Variants in ABR observed in about 807,000 individuals in gnomAD.
ABR encodes active breakpoint cluster region-related protein.
In ABR, 35 loss-of-function variants were observed where a neutral mutation model predicts 107.2. The observed-to-expected ratio is 0.33, with a 90% CI of 0.25 to 0.43. The LOEUF (loss-of-function observed/expected upper bound fraction) is 0.43, where lower values mean the gene tolerates loss of function less well. Ranked by LOEUF, ABR falls within the 20% of genes least tolerant of loss-of-function variation. The pLI is 1.00. For synonymous variants in ABR, 498 were observed against 462.0 expected, an observed-to-expected ratio of 1.08 and a Z score of -1.00; for missense variants, 815 against 1,115.2, an observed-to-expected ratio of 0.73 and a Z score of 3.83.
chr17:1,013,661 G>A (rs2070858916), intron 16 of ABR, among the ~76,000 whole-genome samples: 2 of 152,228 alleles, frequency 1.3e-5, no homozygotes, highest in African/African-American at 4.8e-5. Context: ...GGCTGCCTGG[G>A]TTTGAATCCT....
chr17:1,140,119 T>C (rs901954110), intron 1 of ABR, among the ~76,000 whole-genome samples: 1 of 152,200 alleles, frequency 6.6e-6, no homozygotes, highest in African/African-American at 2.4e-5. Flanking sequence ...CATGAGATGA[T>C]GTGGAACGGG....
chr17:1,024,048 A>AAAAAAAAC (rs1567596985), intron 16 of ABR, among the ~76,000 whole-genome samples: 1 of 148,496 alleles, frequency 6.7e-6, no homozygotes, highest in African/African-American at 2.5e-5. Context: ...AAAAAAAAAA[A>AAAAAAAAC]AGCAGCATCA....
At chr17:1,095,926 G>A (rs2037391684) in intron 3 of ABR, among the ~76,000 whole-genome samples, 1 of 152,212 alleles carries the variant, frequency 6.6e-6, no homozygotes, top group African/African-American at 2.4e-5. Flanking sequence ...TAGATAAAGA[G>A]CCTGCGATGC....
At chr17:1,099,033 C>G (rs2037689522) in intron 3 of ABR, among the ~76,000 whole-genome samples, 1 of 151,994 alleles carries the variant, frequency 6.6e-6, no homozygotes, top group Non-Finnish European at 1.5e-5. Context: ...GTGATCCACC[C>G]ACCTCGGCCT....
Position 1,032,695 on chromosome 17 carries a change from A to G in ABR, c.1791+17355T>C, listed in dbSNP as rs571345106. The stretch of plus-strand genomic sequence containing the variant: ...AGAGAAGAACTTGTTCTTGACCTTC[A>G]ATTTATTTAGTGAACTTTCTAACCG... On this transcript the variant is annotated intron_variant, in intron 16 of 22. Transcript: ENST00000302538. Among the ~76,000 whole-genome samples the G allele has an allele frequency of 1.3e-3, 170 of 126,076 alleles. 11 individuals are homozygous for G. Among genetic ancestry groups the G allele is most frequent in the Non-Finnish European group, 1.5e-3 (80 of 54,954 alleles). 82.7% of individuals were successfully genotyped at this position (126,076 alleles called of 152,430 possible).
At chr17:1,012,577 G>A (rs1340094626) in intron 18 of ABR, 111 bp downstream of exon 18, 3 of 797,224 alleles carry the variant, frequency 3.8e-6, no homozygotes, top group Non-Finnish European at 6.4e-6. Context: ...CCGAGCGGGG[G>A]GTAACTGATT....
At chr17:1,107,902 C>T (rs1020070953) in intron 2 of ABR, among the ~76,000 whole-genome samples, 1 of 152,258 alleles carries the variant, frequency 6.6e-6, no homozygotes, top group Non-Finnish European at 1.5e-5. Flanking sequence ...ATTTTTACCT[C>T]CATTGGCTCC....
chr17:1,056,299 C>CTA (rs976363464), intron 13 of ABR, among the ~76,000 whole-genome samples, 190 bp from the exon 14 acceptor site: 33 of 152,012 alleles, frequency 2.2e-4, no homozygotes, highest in African/African-American at 7.2e-4. Context: ...CGGGGTAGGG[C>CTA]TAGGGGGTCC....
intron 3 of ABR, among the ~76,000 whole-genome samples, chr17:1,096,868 G>T (rs985466664): frequency 6.9e-6 from 1 of 144,872 alleles, no homozygotes; most frequent in Non-Finnish European, 1.5e-5. Flanking sequence ...GGGAATGGGG[G>T]AACCTGCCCC....
intron 1 of ABR, among the ~76,000 whole-genome samples, chr17:1,196,756 G>A (rs899042276): frequency 1.3e-4 from 19 of 150,400 alleles, no homozygotes; most frequent in Admixed American, 8.0e-4. Context: ...GTGCAGTGGC[G>A]CGATCCTGGC....
At chr17:1,019,748 C>T (rs903101094) in intron 16 of ABR, among the ~76,000 whole-genome samples, 1 of 152,272 alleles carries the variant, frequency 6.6e-6, no homozygotes, top group Non-Finnish European at 1.5e-5. Context: ...ATGAGATTAG[C>T]ACCGGGGTGG....
In ABR at chr17:1,025,107, G is replaced by A. The variant is rs1258128331; in HGVS notation, c.1792-11943C>T. 3.9e-4 allele frequency among the ~76,000 whole-genome samples: 21 copies of A among 54,212 alleles called. No homozygotes were observed. The East Asian group carries it at 7.0e-3, about 18-fold the overall frequency. The allele number at this position is 54,212 out of a possible 152,430, so 35.6% of individuals were successfully genotyped here. A position where few individuals can be genotyped will look rare whatever the true frequency, so the allele number is the denominator to read the frequency against. Reference sequence around the variant, plus strand: ...ACTGCACTCCAGCCTGGGCGACAGCGAGACTCCGTCTCAAAAAAAAAAAAA... The same window carrying A: ...ACTGCACTCCAGCCTGGGCGACAGCAAGACTCCGTCTCAAAAAAAAAAAAA... On this transcript the variant is annotated intron_variant, in intron 16 of 22. Transcript: ENST00000302538.
At chr17:1,225,651 C>T (rs538747290) in intron 1 of ABR, among the ~76,000 whole-genome samples, 3 of 151,716 alleles carry the variant, frequency 2.0e-5, no homozygotes, top group Admixed American at 2.0e-4. Flanking sequence ...GACTCTGTCT[C>T]GACAAAAAAG....
chr17:1,027,241 C>T lies in ABR; in HGVS notation c.1792-14077G>A, dbSNP rs1207500774. Among the ~76,000 whole-genome samples, 4 of 152,176 alleles carry T rather than the reference C, an allele frequency of 2.6e-5. No homozygotes were observed. The highest frequency in any genetic ancestry group is 2.1e-4 in the South Asian group (1 of 4,828). ...AAAGCTGGGGCACCGCGCCCAGCAC[C>T]GCTGGCTGGCCAAGCCGTCTGTGGC... is the stretch of plus-strand genomic sequence containing the variant. On this transcript the variant is annotated intron_variant, in intron 16 of 22. Transcript: ENST00000302538. This position sits in a 1 kb window ranked among gnomAD's most constrained non-coding sequence, Gnocchi z 4.7.
chr17:1,081,970 CA>C (rs1240269663), intron 5 of ABR, among the ~76,000 whole-genome samples: 1 of 152,038 alleles, frequency 6.6e-6, no homozygotes. Flanking sequence ...ATTTTTTTAA[CA>C]GTAATGAAGG....
chr17:1,142,139 C>T (rs1405001783), intron 1 of ABR, among the ~76,000 whole-genome samples: 4 of 152,140 alleles, frequency 2.6e-5, no homozygotes, highest in Admixed American at 6.6e-5. Flanking sequence ...AGCTCTCTGG[C>T]TCCTACCCCA....
rs535825642 is a variant in ABR at position 1,031,283 on chromosome 17, C to T, written c.1792-18119G>A. Among the ~76,000 whole-genome samples the T allele has an allele frequency of 7.9e-5, 12 of 152,282 alleles. 1 individual carries two copies. The South Asian group carries it at 2.5e-3, about 32-fold the overall frequency. On this transcript the variant is annotated intron_variant, in intron 16 of 22. Coordinates refer to ENST00000302538, the MANE Select transcript of ABR (RefSeq NM_021962.5). Reference sequence around the variant, plus strand: ...CTGAACAGGGCGGCAAGACATAGACCCAGAGGCAGGCGTCTCCCCGTGCGC... The same window carrying T: ...CTGAACAGGGCGGCAAGACATAGACTCAGAGGCAGGCGTCTCCCCGTGCGC...
Position 1,179,675 on chromosome 17 carries a change from A to G in ABR, c.53T>C (p.Leu18Pro). 2 of 1,565,538 alleles carry G rather than the reference A, an allele frequency of 1.3e-6. No homozygotes were observed. The highest frequency in any genetic ancestry group is 1.7e-6 in the Non-Finnish European group (2 of 1,156,878). The change falls in exon 1 of 23, where the codon CTC becomes CCC. Residue 18 changes from leucine (L) to proline (P), a missense_variant. Physicochemically the swap from Leu to Pro is moderately conservative, Grantham distance 98. This residue lies in a region of ABR where 129 missense variants were observed against 124.8 expected (regional missense o/e 1.03). Coordinates refer to ENST00000302538, the MANE Select transcript of ABR (RefSeq NM_021962.5). The surrounding 1 kb of genome is among the most constrained non-coding windows in gnomAD (Gnocchi z 4.9). ...GLPRLSWIDTLYSNFSYGTDE... is the reference protein window; with the variant it reads ...GLPRLSWIDTPYSNFSYGTDE... ...CCGCCCGGCACACGTACTGCTGTAGAGGGTGTCGATCCAGGACAGGCGCGG... is the reference window on the plus strand; with the variant it reads ...CCGCCCGGCACACGTACTGCTGTAGGGGGTGTCGATCCAGGACAGGCGCGG...
intron 16 of ABR, among the ~76,000 whole-genome samples, chr17:1,024,933 A>C (rs1033535160): frequency 2.6e-5 from 4 of 151,900 alleles, no homozygotes; most frequent in Admixed American, 2.6e-4. Context: ...CAGCCTGGCT[A>C]ACACGGTGAA....
Sources: allele counts gnomAD v4.1 joint callset (sites outside exome capture counted in the v4.1 genomes callset), GRCh38; gene constraint gnomAD v4.1.1; regional missense constraint gnomAD v4.1.1; non-coding constraint Gnocchi (gnomAD v3.1); transcripts MANE v1.5; gene names NCBI Gene and HGNC (gene_info 2026-07-23, HGNC 2026-07-21).